CSMD1: variants seen among roughly 807,000 people sequenced by gnomAD.
CSMD1 encodes the protein CUB and sushi domain-containing protein 1.
A neutral mutation model predicts 417.5 loss-of-function variants in CSMD1; 213 were observed. That is an observed-to-expected ratio of 0.51 (90% CI 0.46 to 0.57). CSMD1 has a LOEUF of 0.57. Ranked by LOEUF, CSMD1 falls within the 20% of genes least tolerant of loss-of-function variation. CSMD1 has a pLI of 0.00. For missense variants in CSMD1, 6,923 were observed against 4,529.7 expected (o/e 1.53, Z -15.17); for synonymous variants, 2,862 against 1,736.8 (o/e 1.65, Z -16.11).
At chr8:4,225,023 A>C (rs1471996543) in intron 3 of CSMD1, among the ~76,000 whole-genome samples, 1 of 152,200 alleles carries the variant, frequency 6.6e-6, no homozygotes, top group Non-Finnish European at 1.5e-5. Flanking sequence ...GAGGCAAGAC[A>C]ATCGCTTGAA....
intron 3 of CSMD1, among the ~76,000 whole-genome samples, chr8:4,201,681 G>T (rs542850296): frequency 6.6e-6 from 1 of 151,168 alleles, no homozygotes; most frequent in Non-Finnish European, 1.5e-5. Flanking sequence ...ATTTACTCAA[G>T]TGTTATACCT....
At chr8:3,898,440 C>T (rs1351843257) in intron 5 of CSMD1, among the ~76,000 whole-genome samples, 1 of 152,148 alleles carries the variant, frequency 6.6e-6, no homozygotes, top group Non-Finnish European at 1.5e-5. Flanking sequence ...TGTGACATGT[C>T]ATCAAGTAAG....
intron 9 of CSMD1, among the ~76,000 whole-genome samples, chr8:3,579,823 G>C (rs971381400): frequency 5.9e-5 from 9 of 152,174 alleles, no homozygotes; most frequent in Non-Finnish European, 8.8e-5. Context: ...ATCACAGCAA[G>C]GCCAGTGTGG....
At chr8:4,421,093 T>G (rs1196382264) in intron 2 of CSMD1, among the ~76,000 whole-genome samples, 1 of 152,156 alleles carries the variant, frequency 6.6e-6, no homozygotes, top group Non-Finnish European at 1.5e-5. Context: ...TCCAAACAAC[T>G]TTCAGACAGT....
intron 5 of CSMD1, among the ~76,000 whole-genome samples, chr8:3,933,808 C>A (rs1810309021): frequency 6.6e-6 from 1 of 152,094 alleles, no homozygotes; most frequent in African/African-American, 2.4e-5. Flanking sequence ...TCAGATCTTG[C>A]ACTTAAAACC....
intron 7 of CSMD1, among the ~76,000 whole-genome samples, chr8:3,637,760 T>C (rs931537655): frequency 9.9e-5 from 15 of 152,146 alleles, no homozygotes; most frequent in African/African-American, 3.6e-4. Flanking sequence ...TCATCTTGAA[T>C]TGTAGCTCCC....
At chr8:4,765,064 A>G (rs1301167242) in intron 1 of CSMD1, among the ~76,000 whole-genome samples, 1 of 152,104 alleles carries the variant, frequency 6.6e-6, no homozygotes, top group Non-Finnish European at 1.5e-5. Context: ...GAGCTATCAC[A>G]CAGCATGAGG....
intron 1 of CSMD1, among the ~76,000 whole-genome samples, chr8:4,971,649 C>A (rs1473028012): frequency 1.3e-5 from 2 of 151,188 alleles, no homozygotes; most frequent in Admixed American, 6.6e-5. Context: ...TAGTCTTATT[C>A]TTACTTCCTT....
At chr8:3,283,349 A>AG (rs1414733289) in intron 26 of CSMD1, among the ~76,000 whole-genome samples, 7 of 152,102 alleles carry the variant, frequency 4.6e-5, no homozygotes, top group Non-Finnish European at 7.4e-5. Context: ...GGAGCCCTGA[A>AG]GATAGGCTCT....
At chr8:4,100,145 G>T (rs1335300654) in intron 3 of CSMD1, among the ~76,000 whole-genome samples, 1 of 151,994 alleles carries the variant, frequency 6.6e-6, no homozygotes, top group Non-Finnish European at 1.5e-5. Flanking sequence ...CCAATACCTT[G>T]GTTTTTATGT....
intron 3 of CSMD1, among the ~76,000 whole-genome samples, chr8:4,115,829 A>G (rs1050323529): frequency 2.0e-5 from 3 of 152,078 alleles, no homozygotes; most frequent in African/African-American, 7.2e-5. Context: ...AAAAAAGCCA[A>G]TCTGAAAAGG....
chr8:4,478,004 G>C (rs980689904), intron 2 of CSMD1, among the ~76,000 whole-genome samples: 4 of 152,094 alleles, frequency 2.6e-5, no homozygotes, highest in Non-Finnish European at 5.9e-5. Flanking sequence ...TAAGTACCGG[G>C]AACTCAGTGA....
At chr8:3,649,129 A>T (rs1055307099) in intron 7 of CSMD1, among the ~76,000 whole-genome samples, 2 of 152,184 alleles carry the variant, frequency 1.3e-5, no homozygotes, top group African/African-American at 4.8e-5. Context: ...ATACTGTACC[A>T]TTCAGTTTAC....
chr8:3,845,962 C>T (rs10093889), intron 5 of CSMD1, among the ~76,000 whole-genome samples: 17,431 of 151,910 alleles, frequency 0.11, 1,068 homozygotes, highest in East Asian at 0.16. Context: ...GCAGGCTCCT[C>T]AGGGGCAGTA....
intron 23 of CSMD1, among the ~76,000 whole-genome samples, chr8:3,328,613 G>C (rs971071003): frequency 6.6e-6 from 1 of 152,186 alleles, no homozygotes; most frequent in Non-Finnish European, 1.5e-5. Flanking sequence ...AGTGGGCTAT[G>C]TGTCTGAGGG....
chr8:3,318,710 T>C (rs1193483636), intron 23 of CSMD1, among the ~76,000 whole-genome samples: 1 of 152,128 alleles, frequency 6.6e-6, no homozygotes, highest in Non-Finnish European at 1.5e-5. Flanking sequence ...TTTTGGGTGG[T>C]GGTCACAGGA....
intron 1 of CSMD1, among the ~76,000 whole-genome samples, chr8:4,742,910 T>A (rs1585029743): frequency 6.6e-6 from 1 of 152,246 alleles, no homozygotes; most frequent in East Asian, 1.9e-4. Context: ...TTAAAAAAAA[T>A]CTGAAAATAA....
chr8:3,575,943 G>A (rs1013121416), intron 9 of CSMD1, among the ~76,000 whole-genome samples: 6 of 151,830 alleles, frequency 4.0e-5, no homozygotes, highest in Non-Finnish European at 8.8e-5. Context: ...TCAGAAAGGA[G>A]CAGAAGAAAC....
At chr8:4,616,421 G>A (rs1329768040) in intron 2 of CSMD1, among the ~76,000 whole-genome samples, 1 of 152,166 alleles carries the variant, frequency 6.6e-6, no homozygotes, top group Admixed American at 6.6e-5. Context: ...TGCATTTTAA[G>A]AACACTGGCT....
Sources: gnomAD v4.1 joint callset for allele counts (sites outside exome capture counted in the v4.1 genomes callset) on GRCh38, gnomAD v4.1.1 for gene constraint, MANE v1.5 for transcripts, NCBI Gene and HGNC (gene_info 2026-07-23, HGNC 2026-07-21) for gene names.